Variants in IGSF9B observed in about 807,000 individuals in gnomAD.
The protein encoded by IGSF9B is immunoglobulin superfamily member 9B, also known as protein turtle homolog B.
In IGSF9B, 48 loss-of-function variants were observed where a neutral mutation model predicts 143.7. The ratio of observed to expected loss-of-function variants is 0.33; its 90% CI spans 0.26 to 0.42. The LOEUF (loss-of-function observed/expected upper bound fraction) is 0.42. Ranked by LOEUF, IGSF9B falls within the 20% of genes least tolerant of loss-of-function variation. IGSF9B has a pLI of 1.00. For synonymous variants in IGSF9B, 903 were observed against 833.1 expected, an observed-to-expected ratio of 1.08 and a Z score of -1.44; for missense variants, 1,706 against 1,980.0, an observed-to-expected ratio of 0.86 and a Z score of 2.63.
chr11:133,902,723 C>T lies in IGSF9B; in HGVS notation c.*6346G>A, dbSNP rs1289503508. Among the ~76,000 whole-genome samples the T allele has an allele frequency of 6.6e-6, 1 of 152,180 alleles. No homozygotes were observed. The highest frequency in any genetic ancestry group is 6.5e-5 in the Admixed American group (1 of 15,278). On this transcript the variant is annotated 3_prime_UTR_variant, in exon 20 of 20. Transcript: ENST00000533871. ...TTCTCCAGCCCTGCCAGGACACCGT[C>T]GGCCATGGCACACCTCTCGTTGTTC...
chr11:133,931,831 T>G lies in IGSF9B; in HGVS notation c.1111-36A>C. 1 of 1,607,064 alleles carries G rather than the reference T, an allele frequency of 6.2e-7. No homozygotes were observed. Among genetic ancestry groups the G allele is most frequent in the Non-Finnish European group, 8.5e-7 (1 of 1,177,778 alleles). ...CAGACGATAGGGCAGGGAACGCTGG[T>G]CAGAGACTCCGCGCTCCATCCCAGG... On this transcript the variant is annotated intron_variant, in intron 8 of 19. Transcript: ENST00000533871. This position sits in a 1 kb window ranked among gnomAD's most constrained non-coding sequence, Gnocchi z 7.7.
chr11:133,933,513 G>C (rs1236280420), intron 7 of IGSF9B, among the ~76,000 whole-genome samples: 1 of 152,180 alleles, frequency 6.6e-6, no homozygotes, highest in Admixed American at 6.5e-5. Context: ...TGGGAGGCTG[G>C]GGTGGGAGGA....
Position 133,913,782 on chromosome 11 carries a change from G to C in IGSF9B, c.3984-1775C>G, listed in dbSNP as rs1252235841. Among the ~76,000 whole-genome samples the C allele has an allele frequency of 6.6e-6, 1 of 152,198 alleles. No individual in the cohort carries two copies. The highest frequency in any genetic ancestry group is 2.4e-5 in the African/African-American group (1 of 41,460). The stretch of plus-strand genomic sequence containing the variant: ...GGGCGGGAGGCAGCACACCTTCCCA[G>C]TGTGGATAGCACATCCTCACCCCTT... On this transcript the variant is annotated intron_variant, in intron 18 of 19. Transcript: ENST00000533871. The surrounding 1 kb of genome is among the most constrained non-coding windows in gnomAD (Gnocchi z 4.6).
In IGSF9B at chr11:133,901,912, CACA is replaced by C. The variant is rs1356317283; in HGVS notation, c.*7154_*7156del. 4.2e-5 allele frequency among the ~76,000 whole-genome samples: 6 copies of C among 143,758 alleles called. No homozygotes were observed. Among genetic ancestry groups the C allele is most frequent in the African/African-American group, 1.3e-4 (5 of 38,958 alleles). The allele number at this position is 143,758 out of a possible 152,430, so 94.3% of individuals were successfully genotyped here. ...CACAACACACACACAACACACCACACACAACACACACCAAACCACACAACACAC... is the reference window on the plus strand; with the variant it reads ...CACAACACACACACAACACACCACACACACACACCAAACCACACAACACAC... On this transcript the variant is annotated 3_prime_UTR_variant, in exon 20 of 20. Transcript: ENST00000533871.
chr11:133,954,017 C>T (rs1169319485), intron 1 of IGSF9B, among the ~76,000 whole-genome samples: 3 of 152,268 alleles, frequency 2.0e-5, no homozygotes, highest in African/African-American at 7.2e-5. Context: ...CATCCCTTTC[C>T]CCCTCTGCCA....
In IGSF9B at chr11:133,928,383, A is replaced by G. The variant is rs1051126612; in HGVS notation, c.1631+1288T>C. On this transcript the variant is annotated intron_variant, in intron 12 of 19. Transcript: ENST00000533871. This position sits in a 1 kb window ranked among gnomAD's most constrained non-coding sequence, Gnocchi z 4.7. The stretch of plus-strand genomic sequence containing the variant: ...TTCTCCAATCAGAATCAAGACACCC[A>G]GGACACTCCGCCCGGGAAGCAGCCA... Among the ~76,000 whole-genome samples, 1 of 152,150 alleles carries G rather than the reference A, an allele frequency of 6.6e-6. No homozygotes were observed. The highest frequency in any genetic ancestry group is 2.4e-5 in the African/African-American group (1 of 41,436).
chr11:133,946,676 G>A (rs1940057798), intron 1 of IGSF9B, among the ~76,000 whole-genome samples: 1 of 152,184 alleles, frequency 6.6e-6, no homozygotes, highest in Admixed American at 6.5e-5. Flanking sequence ...GCACTGCCCA[G>A]TTGTGGCCGC....
intron 19 of IGSF9B, among the ~76,000 whole-genome samples, chr11:133,911,395 A>G (rs551748976): frequency 6.6e-6 from 1 of 152,306 alleles, no homozygotes; most frequent in East Asian, 1.9e-4. Context: ...TGAGGTCCAC[A>G]TGGGGTCCTG....
At position 133,906,778 on chromosome 11, in the gene IGSF9B, T is replaced by C. The variant is rs1257745669; in HGVS notation, c.*2291A>G. On this transcript the variant is annotated 3_prime_UTR_variant, in exon 20 of 20. Transcript: ENST00000533871. ...TGACAGCCTGATGCCCACATCCCAG[T>C]GCATCCCAGGGCCTGGCTGAGCCCC... Among the ~76,000 whole-genome samples, 1 of 152,162 alleles carries C rather than the reference T, an allele frequency of 6.6e-6. No homozygotes were observed. Among genetic ancestry groups the C allele is most frequent in the Non-Finnish European group, 1.5e-5 (1 of 68,026 alleles).
In IGSF9B at chr11:133,928,091, GAGCAGCAGCGTGA is replaced by G. The variant is rs1250535420; in HGVS notation, c.1632-1013_1632-1001del. 2.6e-5 allele frequency among the ~76,000 whole-genome samples: 4 copies of G among 151,354 alleles called. No homozygotes were observed. The highest frequency in any genetic ancestry group is 9.8e-5 in the African/African-American group (4 of 40,696). ...AGCAGTGCAGATGAGCAGCAGCGTG[GAGCAGCAGCGTGA>G]AGCAGCACCGCAAGCAGCAGGGGAG... is the stretch of plus-strand genomic sequence containing the variant. On this transcript the variant is annotated intron_variant, in intron 12 of 19. Transcript: ENST00000533871. The surrounding 1 kb of genome is among the most constrained non-coding windows in gnomAD (Gnocchi z 4.7).
chr11:133,906,559 C>T lies in IGSF9B; in HGVS notation c.*2510G>A, dbSNP rs1162627216. On this transcript the variant is annotated 3_prime_UTR_variant, in exon 20 of 20. Coordinates refer to ENST00000533871, the MANE Select transcript of IGSF9B (RefSeq NM_001277285.4). ...AGGTCATGGGCACTGCCAGAGGAAG[C>T]GGAGGAGGAGTCAGCACCTGGGTTA... 2.6e-5 allele frequency among the ~76,000 whole-genome samples: 4 copies of T among 152,204 alleles called. No homozygotes were observed. The highest frequency in any genetic ancestry group is 7.2e-5 in the African/African-American group (3 of 41,458).
In IGSF9B at chr11:133,913,152, C is replaced by T. The variant is rs558700112; in HGVS notation, c.3984-1145G>A. 4.2e-4 allele frequency among the ~76,000 whole-genome samples: 64 copies of T among 152,278 alleles called. No individual in the cohort carries two copies. Among genetic ancestry groups the T allele is most frequent in the Non-Finnish European group, 6.3e-4 (43 of 68,024 alleles). On this transcript the variant is annotated intron_variant, in intron 18 of 19. Transcript: ENST00000533871. This position sits in a 1 kb window ranked among gnomAD's most constrained non-coding sequence, Gnocchi z 4.6. ...TAGCACGTGATCAGAGAAGCAGGGACGCTCTGGGGCCACGGCGGACAGGCG... is the reference window on the plus strand; with the variant it reads ...TAGCACGTGATCAGAGAAGCAGGGATGCTCTGGGGCCACGGCGGACAGGCG...
intron 3 of IGSF9B, among the ~76,000 whole-genome samples, chr11:133,940,300 G>A (rs11223631): frequency 0.2 from 21,497 of 110,098 alleles, 2,475 homozygotes; most frequent in Non-Finnish European, 0.26. Context: ...GCACGTCCTC[G>A]CACGCGTCAT....
intron 7 of IGSF9B, 42 bp from the exon 8 acceptor site, chr11:133,932,255 ACAGG>A (rs1215931116): frequency 6.7e-7 from 1 of 1,487,036 alleles, no homozygotes. Flanking sequence ...ACAGACAGAC[ACAGG>A]GACAGACAGA....
At chr11:133,935,994 G>C in intron 6 of IGSF9B, 59 bp downstream of exon 6, 1 of 1,581,938 alleles carries the variant, frequency 6.3e-7, no homozygotes, top group Non-Finnish European at 8.6e-7. Flanking sequence ...CTGCTCAGGG[G>C]CCCTGCCCGT....
chr11:133,925,610 T>TG, intron 14 of IGSF9B, 129 bp downstream of exon 14: 1 of 689,880 alleles, frequency 1.4e-6, no homozygotes, highest in South Asian at 1.7e-5. Flanking sequence ...CCAGGACCAG[T>TG]GGTGAGGAGG....
At chr11:133,947,115 G>A (rs1438051308) in intron 1 of IGSF9B, among the ~76,000 whole-genome samples, 6 of 152,154 alleles carry the variant, frequency 3.9e-5, no homozygotes, top group African/African-American at 1.2e-4. Context: ...CAGAGAGGGC[G>A]AGCAAGGCAG....
At position 133,931,926 on chromosome 11, in the gene IGSF9B, G is replaced by A. The variant is rs1011980401; in HGVS notation, c.1111-131C>T. On this transcript the variant is annotated intron_variant, in intron 8 of 19. Coordinates refer to ENST00000533871, the MANE Select transcript of IGSF9B (RefSeq NM_001277285.4). This position sits in a 1 kb window ranked among gnomAD's most constrained non-coding sequence, Gnocchi z 7.7. ...CTCCAGCCCGGGGCGGGCGGCACCC[G>A]CAGACCCCTACAGAAGCAGCTCTCT... 45 of 1,489,650 alleles carry A rather than the reference G, an allele frequency of 3.0e-5. No individual in the cohort carries two copies. Among genetic ancestry groups the A allele is most frequent in the Admixed American group, 2.2e-4 (9 of 41,698 alleles). The allele number at this position is 1,489,650 out of a possible 1,614,324, so 92.3% of individuals were successfully genotyped here.
intron 1 of IGSF9B, among the ~76,000 whole-genome samples, chr11:133,951,052 G>T (rs1232390502): frequency 6.6e-6 from 1 of 152,114 alleles, no homozygotes; most frequent in Non-Finnish European, 1.5e-5. Flanking sequence ...AAGCCAGGAG[G>T]CTCCAGGAGA....
Sources: gnomAD v4.1 joint callset for allele counts (sites outside exome capture counted in the v4.1 genomes callset) on GRCh38, gnomAD v4.1.1 for gene constraint, Gnocchi (gnomAD v3.1) non-coding constraint, MANE v1.5 for transcripts, NCBI Gene and HGNC (gene_info 2026-07-23, HGNC 2026-07-21) for gene names.